Variants in AK5 observed in about 807,000 individuals in gnomAD.
The protein encoded by AK5 is adenylate kinase 5.
AK5 carries 27 observed loss-of-function variants against 69.5 expected under a neutral mutation model. The ratio of observed to expected loss-of-function variants is 0.39; its 90% CI spans 0.29 to 0.54. AK5 has a LOEUF of 0.54. Among genes scored for constraint, AK5 ranks in the 20% least tolerant of loss-of-function variants. The pLI is 0.71. For synonymous variants in AK5, 260 were observed against 244.4 expected (o/e 1.06, Z -0.60); for missense variants, 531 against 700.4 (o/e 0.76, Z 2.73).
chr1:77,454,707 A>G (rs923699216), intron 8 of AK5, among the ~76,000 whole-genome samples: 1 of 152,246 alleles, frequency 6.6e-6, no homozygotes, highest in Non-Finnish European at 1.5e-5. Flanking sequence ...GCTCTTCACA[A>G]TGGAAAAGTT....
intron 5 of AK5, among the ~76,000 whole-genome samples, chr1:77,322,049 A>G (rs886696738): frequency 6.6e-6 from 1 of 152,212 alleles, no homozygotes; most frequent in East Asian, 1.9e-4. Flanking sequence ...TTAACTTTCC[A>G]TGATGATTAT....
intron 13 of AK5, among the ~76,000 whole-genome samples, chr1:77,554,164 C>G (rs552961829): frequency 6.6e-6 from 1 of 152,256 alleles, no homozygotes; most frequent in Admixed American, 6.5e-5. Context: ...TCTGCCTGCC[C>G]CCATCACCCC....
At chr1:77,284,067 C>T (rs1658214324) in intron 1 of AK5, among the ~76,000 whole-genome samples, 1 of 152,268 alleles carries the variant, frequency 6.6e-6, no homozygotes, top group East Asian at 1.9e-4. Context: ...TACTTTTCTG[C>T]ATATGAATGG....
intron 13 of AK5, among the ~76,000 whole-genome samples, chr1:77,554,881 G>A (rs1233166557): frequency 6.6e-6 from 1 of 151,328 alleles, no homozygotes; most frequent in Non-Finnish European, 1.5e-5. Flanking sequence ...CTCCCAAAGT[G>A]CTGGGATTAC....
chr1:77,414,478 T>C (rs946888240), intron 7 of AK5, among the ~76,000 whole-genome samples: 5 of 152,154 alleles, frequency 3.3e-5, no homozygotes, highest in Non-Finnish European at 4.4e-5. Flanking sequence ...ATCTGTAACG[T>C]TGACCCAGAA....
chr1:77,287,906 C>A (rs1182520617), intron 2 of AK5, among the ~76,000 whole-genome samples: 1 of 152,174 alleles, frequency 6.6e-6, no homozygotes, highest in Non-Finnish European at 1.5e-5. Flanking sequence ...CAGGCGCATA[C>A]TCCTAAGTTA....
chr1:77,555,658 A>G (rs1307077664), intron 13 of AK5, among the ~76,000 whole-genome samples: 1 of 152,254 alleles, frequency 6.6e-6, no homozygotes, highest in African/African-American at 2.4e-5. Context: ...TGCCATTACT[A>G]GTAATATTTA....
intron 8 of AK5, among the ~76,000 whole-genome samples, chr1:77,453,199 G>T (rs1464300131): frequency 6.6e-6 from 1 of 152,162 alleles, no homozygotes; most frequent in Non-Finnish European, 1.5e-5. Flanking sequence ...GCATGTGTAG[G>T]TATATCTGTA....
intron 8 of AK5, among the ~76,000 whole-genome samples, chr1:77,443,936 C>T (rs986102283): frequency 1.3e-5 from 2 of 151,394 alleles, no homozygotes; most frequent in African/African-American, 2.4e-5. Context: ...GTCCTACCCA[C>T]CCACCCAAGA....
intron 5 of AK5, among the ~76,000 whole-genome samples, chr1:77,338,383 G>C (rs964048402): frequency 6.6e-6 from 1 of 152,180 alleles, no homozygotes; most frequent in Non-Finnish European, 1.5e-5. Context: ...ATTTAGGAAA[G>C]GAGTGTTGCT....
chr1:77,423,429 C>G (rs1427513722), intron 8 of AK5, among the ~76,000 whole-genome samples: 1 of 151,966 alleles, frequency 6.6e-6, no homozygotes, highest in Non-Finnish European at 1.5e-5. Flanking sequence ...ACTTCTGATT[C>G]CTGGACTGGC....
intron 8 of AK5, among the ~76,000 whole-genome samples, chr1:77,427,492 C>T: frequency 6.6e-6 from 1 of 152,004 alleles, no homozygotes; most frequent in East Asian, 1.9e-4. Context: ...GAATCAATAA[C>T]TAATAATCTC....
intron 13 of AK5, among the ~76,000 whole-genome samples, chr1:77,542,585 C>G (rs184556546): frequency 6.6e-6 from 1 of 152,292 alleles, no homozygotes; most frequent in East Asian, 1.9e-4. Flanking sequence ...ATAGCTATCT[C>G]AAGTGGCATA....
At chr1:77,455,089 C>A (rs775293925) in intron 8 of AK5, among the ~76,000 whole-genome samples, 12 of 152,244 alleles carry the variant, frequency 7.9e-5, no homozygotes, top group African/African-American at 2.9e-4. Context: ...CCCTATCTAG[C>A]GGGCATTAGT....
chr1:77,297,870 C>G lies in AK5; in HGVS notation c.622C>G (p.Gln208Glu), dbSNP rs1260942933. 8 of 1,613,164 alleles carry G rather than the reference C, an allele frequency of 5.0e-6. No individual in the cohort carries two copies. The highest frequency in any genetic ancestry group is 1.1e-5 in the South Asian group (1 of 90,770). ...TITEIKQKLMQIPDEEGIVID... is the reference protein window; with the variant it reads ...TITEIKQKLMEIPDEEGIVID... ...TACAGAGATAAAACAAAAATTGATG[C>G]AAATACCTGATGAAGAGGGCATTGT... The change falls in exon 5 of 14, where the codon CAA becomes GAA. Residue 208 changes from glutamine to glutamate, a missense_variant. Physicochemically the swap from Gln to Glu is conservative, Grantham distance 29. Coordinates refer to ENST00000354567, the MANE Select transcript of AK5 (RefSeq NM_174858.3).
chr1:77,470,398 G>A (rs1037053236), intron 8 of AK5, among the ~76,000 whole-genome samples: 4 of 152,070 alleles, frequency 2.6e-5, no homozygotes, highest in African/African-American at 9.7e-5. Flanking sequence ...CCAGCTACTC[G>A]GATGGCTGAG....
chr1:77,326,882 CAGATTAAAT>C (rs1286541945), intron 5 of AK5, among the ~76,000 whole-genome samples: 1 of 152,042 alleles, frequency 6.6e-6, no homozygotes, highest in African/African-American at 2.4e-5. Context: ...AATTGCTATG[CAGATTAAAT>C]AGGAATTTGG....
At chr1:77,404,046 T>C (rs1649443037) in intron 6 of AK5, among the ~76,000 whole-genome samples, 1 of 152,202 alleles carries the variant, frequency 6.6e-6, no homozygotes, top group Non-Finnish European at 1.5e-5. Context: ...AGGTATTTTA[T>C]TCTCTTTGAA....
intron 5 of AK5, among the ~76,000 whole-genome samples, chr1:77,333,544 T>TC (rs369283568): frequency 0.029 from 4,246 of 144,758 alleles, 90 homozygotes; most frequent in African/African-American, 0.047. Flanking sequence ...TTTTTAAATC[T>TC]CCCCCCCACC....
Sources: gnomAD v4.1 joint callset for allele counts (sites outside exome capture counted in the v4.1 genomes callset) on GRCh38, gnomAD v4.1.1 for gene constraint, MANE v1.5 for transcripts, NCBI Gene and HGNC (gene_info 2026-07-23, HGNC 2026-07-21) for gene names.